The following TFEC variants were observed in gnomAD, a reference collection of about 807,000 sequenced individuals.
The protein encoded by TFEC is transcription factor EC, also known as class E basic helix-loop-helix protein 34.
In TFEC, 31 loss-of-function variants were observed where a neutral mutation model predicts 41.6. The ratio of observed to expected loss-of-function variants is 0.74; its 90% CI spans 0.56 to 1.01. TFEC has a LOEUF of 1.01. Among genes scored for constraint, TFEC ranks in the 50% least tolerant of loss-of-function variants. The pLI is 0.00. For synonymous variants in TFEC, 143 were observed against 140.6 expected (o/e 1.02, Z -0.12); for missense variants, 402 against 404.1 (o/e 0.99, Z 0.04).
intron 1 of TFEC, among the ~76,000 whole-genome samples, chr7:116,129,816 A>G (rs1336100935): frequency 6.6e-6 from 1 of 151,740 alleles, no homozygotes; most frequent in Non-Finnish European, 1.5e-5. Flanking sequence ...ATAATTTCTG[A>G]GGCTAGTTCT....
chr7:116,126,663 G>C (rs978411899), intron 1 of TFEC, among the ~76,000 whole-genome samples: 1 of 151,568 alleles, frequency 6.6e-6, no homozygotes, highest in African/African-American at 2.4e-5. Context: ...AGCGTGGATA[G>C]AAAAAAGGAC....
intron 1 of TFEC, among the ~76,000 whole-genome samples, chr7:116,133,599 G>A (rs1277748242): frequency 6.6e-6 from 1 of 151,364 alleles, no homozygotes; most frequent in Non-Finnish European, 1.5e-5. Flanking sequence ...TGATTTCTGG[G>A]AAACATAATT....
At chr7:116,159,248 T>C (rs1584586033) in intron 1 of TFEC, among the ~76,000 whole-genome samples, 1 of 152,024 alleles carries the variant, frequency 6.6e-6, no homozygotes, top group Non-Finnish European at 1.5e-5. Context: ...ACTTTAAGAA[T>C]ATAGAATTTT....
At position 116,132,398 on chromosome 7, in the gene TFEC, T is replaced by A. The variant is rs538738416; in HGVS notation, c.-68-20360A>T. On this transcript the variant is annotated intron_variant, in intron 1 of 8. Coordinates refer to the TFEC transcript ENST00000484212. ...TATTCAGGTCTACAGTGAATTTTTT[T>A]AAATATGCAAAAAAGATCAAAGCTT... 2.2e-4 allele frequency among the ~76,000 whole-genome samples: 33 copies of A among 152,336 alleles called. No homozygotes were observed. The East Asian group carries it at 3.7e-3, about 17-fold the overall frequency.
intron 5 of TFEC, among the ~76,000 whole-genome samples, chr7:115,951,378 A>G (rs1174313425): frequency 1.3e-5 from 2 of 152,130 alleles, no homozygotes; most frequent in East Asian, 1.9e-4. Context: ...TGTTTAGCAC[A>G]TAGTAGGTCT....
chr7:116,054,268 A>G (rs1474727328), intron 3 of TFEC, among the ~76,000 whole-genome samples: 7 of 152,178 alleles, frequency 4.6e-5, no homozygotes, highest in Admixed American at 4.6e-4. Flanking sequence ...ATCTTCAAAG[A>G]GGTATACTAG....
At chr7:115,944,172 A>C (rs920789085) in intron 6 of TFEC, among the ~76,000 whole-genome samples, 6 of 150,974 alleles carry the variant, frequency 4.0e-5, no homozygotes, top group African/African-American at 1.5e-4. Context: ...AAAAAACTTC[A>C]AACTATTTAG....
chr7:116,107,754 C>T (rs1374460621), intron 3 of TFEC, among the ~76,000 whole-genome samples: 1 of 152,126 alleles, frequency 6.6e-6, no homozygotes, highest in Non-Finnish European at 1.5e-5. Flanking sequence ...ACAAAGCAGA[C>T]AAATAAGAAC....
At chr7:116,004,610 T>G (rs1044951372) in intron 1 of TFEC, among the ~76,000 whole-genome samples, 3 of 152,110 alleles carry the variant, frequency 2.0e-5, no homozygotes, top group African/African-American at 7.2e-5. Context: ...ATCTAAAACT[T>G]CCCTAAAAAA....
intron 1 of TFEC, among the ~76,000 whole-genome samples, chr7:115,997,958 C>T (rs1445038841): frequency 1.3e-5 from 2 of 151,816 alleles, no homozygotes; most frequent in African/African-American, 4.8e-5. Context: ...ACAGGATCCA[C>T]AAAATAACCT....
At chr7:115,959,072 T>C (rs1028103097) in intron 3 of TFEC, among the ~76,000 whole-genome samples, 1 of 151,834 alleles carries the variant, frequency 6.6e-6, no homozygotes, top group Non-Finnish European at 1.5e-5. Context: ...ATTTTGTAGA[T>C]CAGTAGGCAA....
At chr7:115,998,447 A>G (rs1302198068) in intron 1 of TFEC, among the ~76,000 whole-genome samples, 1 of 152,064 alleles carries the variant, frequency 6.6e-6, no homozygotes, top group Non-Finnish European at 1.5e-5. Flanking sequence ...AGAAAAAAAT[A>G]ACAAAATGCA....
At chr7:116,039,421 C>CTGTGTGTGTG (rs140778741) in intron 3 of TFEC, among the ~76,000 whole-genome samples, 2 of 144,230 alleles carry the variant, frequency 1.4e-5, no homozygotes, top group Non-Finnish European at 3.1e-5. Context: ...AAAGAAAATT[C>CTGTGTGTGTG]TGTGTGTGTG....
chr7:115,947,581 G>A (rs1346004156), intron 6 of TFEC, among the ~76,000 whole-genome samples: 2 of 151,456 alleles, frequency 1.3e-5, no homozygotes, highest in African/African-American at 2.4e-5. Flanking sequence ...TCCAGCACCT[G>A]TTGTTTCCTG....
At chr7:115,943,364 G>T (rs1374220127) in intron 6 of TFEC, among the ~76,000 whole-genome samples, 4 of 151,676 alleles carry the variant, frequency 2.6e-5, no homozygotes, top group African/African-American at 9.7e-5. Context: ...AAGCCTTATG[G>T]ACCCTTATTT....
intron 1 of TFEC, among the ~76,000 whole-genome samples, chr7:115,998,263 A>T (rs1794446952): frequency 6.6e-6 from 1 of 152,144 alleles, no homozygotes; most frequent in Non-Finnish European, 1.5e-5. Flanking sequence ...CTATTTAAAC[A>T]ATAGGTTATA....
Position 115,984,484 on chromosome 7 carries a change from C to T in TFEC, c.-43G>A, listed in dbSNP as rs750014855. 2 of 1,613,970 alleles carry T rather than the reference C, an allele frequency of 1.2e-6. No individual in the cohort carries two copies. Among genetic ancestry groups the T allele is most frequent in the Non-Finnish European group, 1.7e-6 (2 of 1,179,950 alleles). On this transcript the variant is annotated 5_prime_UTR_variant, in exon 2 of 8. Coordinates refer to ENST00000265440, the MANE Select transcript of TFEC (RefSeq NM_012252.4). Reference sequence around the variant, plus strand: ...GTCTCTGGGCTTTCTGTAGCTGAGGCCTTGCAGAACTTTCCAGGTGTGCTG... The same window carrying T: ...GTCTCTGGGCTTTCTGTAGCTGAGGTCTTGCAGAACTTTCCAGGTGTGCTG...
intron 1 of TFEC, among the ~76,000 whole-genome samples, chr7:116,008,273 C>T (rs975345555): frequency 3.9e-5 from 6 of 152,190 alleles, no homozygotes; most frequent in South Asian, 2.1e-4. Context: ...AGCAAGAATA[C>T]GAACAGAAAT....
chr7:116,125,892 C>T (rs1305615887), intron 1 of TFEC, among the ~76,000 whole-genome samples: 4 of 152,076 alleles, frequency 2.6e-5, no homozygotes, highest in African/African-American at 9.7e-5. Context: ...TTGTGATTTG[C>T]AAACCATCAA....
Sources: allele counts gnomAD v4.1 joint callset (sites outside exome capture counted in the v4.1 genomes callset), GRCh38; gene constraint gnomAD v4.1.1; transcripts MANE v1.5; gene names NCBI Gene and HGNC (gene_info 2026-07-23, HGNC 2026-07-21).